KCNB2: variants seen among roughly 807,000 people sequenced by gnomAD.
The protein encoded by KCNB2 is delayed rectifier potassium channel protein.
In KCNB2, 15 loss-of-function variants were observed where a neutral mutation model predicts 61.5. The observed-to-expected ratio is 0.24, with a 90% CI of 0.16 to 0.38. KCNB2 has a LOEUF of 0.38. KCNB2 is among the 10% of genes least tolerant of loss of function. The pLI is 1.00. For synonymous variants in KCNB2, 457 were observed against 446.0 expected, an observed-to-expected ratio of 1.02 and a Z score of -0.31; for missense variants, 828 against 1,125.2, an observed-to-expected ratio of 0.74 and a Z score of 3.78.
chr8:72,767,198 CCA>C (rs1205665122), intron 2 of KCNB2, among the ~76,000 whole-genome samples: 6 of 152,142 alleles, frequency 3.9e-5, no homozygotes, highest in Non-Finnish European at 7.3e-5. Context: ...CATGGTATAT[CCA>C]CCAGGTTATC....
chr8:72,921,029 G>A (rs373201742), intron 2 of KCNB2, among the ~76,000 whole-genome samples: 10 of 151,996 alleles, frequency 6.6e-5, no homozygotes, highest in East Asian at 1.9e-4. Context: ...TTTGCAGAGC[G>A]CGGAAGGTAG....
chr8:72,772,930 A>C (rs891430985), intron 2 of KCNB2, among the ~76,000 whole-genome samples: 26 of 152,238 alleles, frequency 1.7e-4, no homozygotes, highest in Non-Finnish European at 1.2e-4. Flanking sequence ...AAGGCATTCT[A>C]AAGCCCTTAG....
chr8:72,602,745 C>A (rs1346956280), intron 2 of KCNB2, among the ~76,000 whole-genome samples: 1 of 152,140 alleles, frequency 6.6e-6, no homozygotes, highest in Non-Finnish European at 1.5e-5. Context: ...TGACAGTTGG[C>A]TGATCTTTGC....
intron 1 of KCNB2, among the ~76,000 whole-genome samples, chr8:72,560,481 G>T (rs1806494592): frequency 6.6e-6 from 1 of 152,118 alleles, no homozygotes; most frequent in African/African-American, 2.4e-5. Flanking sequence ...ATTCCTTTCA[G>T]TAGTACCAGT....
intron 2 of KCNB2, among the ~76,000 whole-genome samples, chr8:72,582,885 G>T (rs1806928563): frequency 6.6e-6 from 1 of 152,128 alleles, no homozygotes; most frequent in South Asian, 2.1e-4. Context: ...TTCCCAAAAT[G>T]CTGGGATTAC....
intron 2 of KCNB2, among the ~76,000 whole-genome samples, chr8:72,614,810 A>G (rs1403925427): frequency 6.6e-6 from 1 of 152,196 alleles, no homozygotes; most frequent in Non-Finnish European, 1.5e-5. Context: ...AGAAAAGTTT[A>G]GAGGAGACAT....
At chr8:72,826,421 G>T (rs1204561870) in intron 2 of KCNB2, among the ~76,000 whole-genome samples, 1 of 152,174 alleles carries the variant, frequency 6.6e-6, no homozygotes, top group African/African-American at 2.4e-5. Flanking sequence ...AATAAGGAAG[G>T]GGAAGAGGAG....
intron 1 of KCNB2, among the ~76,000 whole-genome samples, chr8:72,545,494 C>T (rs943880342): frequency 1.3e-5 from 2 of 152,092 alleles, no homozygotes; most frequent in East Asian, 3.9e-4. Flanking sequence ...TGGGGCACCA[C>T]GAGTTGTGCC....
intron 2 of KCNB2, among the ~76,000 whole-genome samples, chr8:72,682,713 C>T (rs182592265): frequency 2.6e-5 from 4 of 152,260 alleles, no homozygotes; most frequent in Admixed American, 2.0e-4. Context: ...CCCACCTCAG[C>T]CTTCTGAGTA....
Position 72,821,659 on chromosome 8 carries a change from A to AAAAAAAC in KCNB2, c.580-114275_580-114274insAAAAACA, listed in dbSNP as rs1554535735. Among the ~76,000 whole-genome samples the AAAAAAAC allele has an allele frequency of 3.8e-4, 44 of 117,046 alleles. 4 individuals are homozygous for AAAAAAAC. The highest frequency in any genetic ancestry group is 5.3e-4 in the Non-Finnish European group (31 of 58,726). The allele number at this position is 117,046 out of a possible 152,430, so 76.8% of individuals were successfully genotyped here. On this transcript the variant is annotated intron_variant, in intron 2 of 2. Transcript: ENST00000523207. ...AAAAAAACAAAAAAAAAAAAAAAAA[A>AAAAAAAC]ACACACACACACCAAGCCCCCACAG...
chr8:72,626,507 C>G (rs1376320826), intron 2 of KCNB2, among the ~76,000 whole-genome samples: 1 of 152,226 alleles, frequency 6.6e-6, no homozygotes, highest in Admixed American at 6.5e-5. Context: ...GTTCATAGAG[C>G]TAGCTCTTGT....
intron 2 of KCNB2, among the ~76,000 whole-genome samples, chr8:72,731,121 A>G (rs1807731121): frequency 6.6e-6 from 1 of 152,150 alleles, no homozygotes; most frequent in Admixed American, 6.6e-5. Context: ...ACTGGTCTAT[A>G]AAGGTGGATT....
At chr8:72,595,560 G>A (rs55850655) in intron 2 of KCNB2, among the ~76,000 whole-genome samples, 5,982 of 151,966 alleles carry the variant, frequency 0.039, 176 homozygotes, top group Middle Eastern at 0.11. Flanking sequence ...TCCTGACCTC[G>A]TGATCCGCCC....
intron 2 of KCNB2, among the ~76,000 whole-genome samples, chr8:72,687,535 C>T (rs149308419): frequency 5.9e-5 from 9 of 151,988 alleles, no homozygotes; most frequent in Admixed American, 2.0e-4. Context: ...GGGGTCACAA[C>T]GATGGAACTC....
chr8:72,627,408 G>T (rs1225781179), intron 2 of KCNB2, among the ~76,000 whole-genome samples: 1 of 152,148 alleles, frequency 6.6e-6, no homozygotes, highest in Admixed American at 6.5e-5. Context: ...ACAACCTTGT[G>T]TATAACCTAG....
At chr8:72,837,836 A>G (rs916904212) in intron 2 of KCNB2, among the ~76,000 whole-genome samples, 1 of 151,844 alleles carries the variant, frequency 6.6e-6, no homozygotes, top group African/African-American at 2.4e-5. Context: ...TCCTTTTTTT[A>G]AAAAAAAATT....
At chr8:72,646,704 A>C in intron 2 of KCNB2, among the ~76,000 whole-genome samples, 1 of 152,106 alleles carries the variant, frequency 6.6e-6, no homozygotes, top group East Asian at 1.9e-4. Flanking sequence ...AGAACATAGA[A>C]TGGCGGGTAT....
intron 2 of KCNB2, among the ~76,000 whole-genome samples, chr8:72,572,138 C>G (rs1806718519): frequency 6.6e-6 from 1 of 152,062 alleles, no homozygotes; most frequent in Admixed American, 6.5e-5. Context: ...CACACAGGGC[C>G]CACACTTTGG....
chr8:72,691,799 A>G (rs999534004), intron 2 of KCNB2, among the ~76,000 whole-genome samples: 1 of 152,194 alleles, frequency 6.6e-6, no homozygotes, highest in Admixed American at 6.5e-5. Context: ...TTTCCATGTG[A>G]GATGATTAAA....
Sources: allele counts gnomAD v4.1 joint callset (sites outside exome capture counted in the v4.1 genomes callset), GRCh38; gene constraint gnomAD v4.1.1; transcripts MANE v1.5; gene names NCBI Gene and HGNC (gene_info 2026-07-23, HGNC 2026-07-21).